RAB27A: variants seen among roughly 807,000 people sequenced by gnomAD.
RAB27A encodes the protein ras-related protein Rab-27A.
A neutral mutation model predicts 20.8 loss-of-function variants in RAB27A; 17 were observed. The ratio of observed to expected loss-of-function variants is 0.82; its 90% CI spans 0.56 to 1.23. The LOEUF is 1.23. Ranked by LOEUF, RAB27A falls within the 50% of genes most tolerant of loss-of-function variation. The probability of loss-of-function intolerance (pLI) is 0.00; values close to 1 mark genes in which losing one functional copy is unlikely to be tolerated. For missense variants in RAB27A, 277 were observed against 266.7 expected, an observed-to-expected ratio of 1.04 and a Z score of -0.27; for synonymous variants, 85 against 92.8, an observed-to-expected ratio of 0.92 and a Z score of 0.48.
intron 2 of RAB27A, among the ~76,000 whole-genome samples, chr15:55,254,968 G>A (rs1897027139): frequency 6.6e-6 from 1 of 152,170 alleles, no homozygotes; most frequent in African/African-American, 2.4e-5. Flanking sequence ...TGAAGAAAAT[G>A]CACAAAAATA....
intron 1 of RAB27A, among the ~76,000 whole-genome samples, chr15:55,281,190 C>T (rs34659706): frequency 0.044 from 6,740 of 152,268 alleles, 239 homozygotes; most frequent in Middle Eastern, 0.061. Context: ...GAAGCATTAA[C>T]ATGGTAATCT....
rs2289059 is a variant in RAB27A, at chr15:55,224,195, A to G, written c.344-183T>C. ...CTGAATAGTTGGGGCAGAAATATAAAACCATTCTTAAGCACATACCCCAGT... is the reference window on the plus strand; with the variant it reads ...CTGAATAGTTGGGGCAGAAATATAAGACCATTCTTAAGCACATACCCCAGT... On this transcript the variant is annotated intron_variant, in intron 5 of 6. Transcript: ENST00000336787. Among the ~76,000 whole-genome samples, 9,660 of 152,284 alleles carry G rather than the reference A, an allele frequency of 0.063. 360 individuals carry two copies. The highest frequency in any genetic ancestry group is 0.14 in the South Asian group (668 of 4,832).
At chr15:55,217,532 G>A (rs1347544450) in intron 6 of RAB27A, among the ~76,000 whole-genome samples, 1 of 151,454 alleles carries the variant, frequency 6.6e-6, no homozygotes, top group Non-Finnish European at 1.5e-5. Context: ...GGGCACAGTG[G>A]TGCACACCTG....
In RAB27A at chr15:55,205,318, C is replaced by G; in HGVS notation, c.*189G>C. 6.0e-6 allele frequency: 4 copies of G among 663,660 alleles called. No homozygotes were observed. Among genetic ancestry groups the G allele is most frequent in the Non-Finnish European group, 1.0e-5 (4 of 383,264 alleles). 41.1% of individuals were successfully genotyped at this position (663,660 alleles called of 1,614,324 possible). On this transcript the variant is annotated 3_prime_UTR_variant, in exon 7 of 7. Coordinates refer to ENST00000336787, the MANE Select transcript of RAB27A (RefSeq NM_183235.3). ...ATTTCTCCTAACTCTCAGGCTGAAT[C>G]TTAAAGAAATATTTACAAAGCTGCA...
intron 2 of RAB27A, among the ~76,000 whole-genome samples, chr15:55,300,975 T>C (rs2054969344): frequency 6.6e-6 from 1 of 152,126 alleles, no homozygotes; most frequent in South Asian, 2.1e-4. Context: ...CCCAAAGCCA[T>C]TAACCAGGCA....
At chr15:55,267,541 A>G (rs1897543293) in intron 2 of RAB27A, among the ~76,000 whole-genome samples, 1 of 152,172 alleles carries the variant, frequency 6.6e-6, no homozygotes, top group South Asian at 2.1e-4. Context: ...GCAAAAGAAA[A>G]TGTGCTGTTG....
intron 1 of RAB27A, among the ~76,000 whole-genome samples, chr15:55,276,951 A>G (rs1231078807): frequency 6.6e-6 from 1 of 152,204 alleles, no homozygotes; most frequent in Non-Finnish European, 1.5e-5. Flanking sequence ...CAAGATGTAT[A>G]CATTAAATAT....
chr15:55,264,188 G>T (rs951960071), intron 2 of RAB27A, among the ~76,000 whole-genome samples: 1 of 152,122 alleles, frequency 6.6e-6, no homozygotes, highest in Non-Finnish European at 1.5e-5. Context: ...GTAGTTGGGA[G>T]TACAGGCATG....
chr15:55,239,200 G>A (rs1201419867), intron 2 of RAB27A, among the ~76,000 whole-genome samples: 1 of 152,096 alleles, frequency 6.6e-6, no homozygotes, highest in South Asian at 2.1e-4. Flanking sequence ...TACCTCTATC[G>A]AACTGCTGGA....
At chr15:55,265,505 CTCACATG>C (rs1182992995) in intron 2 of RAB27A, among the ~76,000 whole-genome samples, 1 of 152,030 alleles carries the variant, frequency 6.6e-6, no homozygotes, top group Non-Finnish European at 1.5e-5. Flanking sequence ...ACGACTTTAC[CTCACATG>C]TCAGCCAAAT....
At chr15:55,319,019 AC>A in exon 1 of RAB27A, 1 of 499,142 alleles carries the variant, frequency 2.0e-6, no homozygotes, top group Non-Finnish European at 3.5e-6. Flanking sequence ...CAGTTTTCGG[AC>A]CCCCGAGCAC....
At chr15:55,227,080 T>C (rs148442320) in intron 5 of RAB27A, among the ~76,000 whole-genome samples, 1,782 of 152,322 alleles carry the variant, frequency 0.012, 13 homozygotes, top group Middle Eastern at 0.037. Flanking sequence ...AAATCTTCAA[T>C]ACGTATAAGT....
chr15:55,215,265 A>G (rs554293674), intron 6 of RAB27A, among the ~76,000 whole-genome samples: 1 of 152,272 alleles, frequency 6.6e-6, no homozygotes, highest in African/African-American at 2.4e-5. Context: ...CTTCACCATC[A>G]TTTTTGAGGA....
At chr15:55,306,618 C>T (rs547664281) in intron 2 of RAB27A, among the ~76,000 whole-genome samples, 9 of 152,288 alleles carry the variant, frequency 5.9e-5, no homozygotes, top group Non-Finnish European at 1.2e-4. Flanking sequence ...ATCATTTTCC[C>T]TGTCCAATAA....
intron 6 of RAB27A, among the ~76,000 whole-genome samples, chr15:55,207,966 A>C (rs901700193): frequency 3.9e-5 from 6 of 152,176 alleles, no homozygotes; most frequent in African/African-American, 1.4e-4. Flanking sequence ...AAAAAACCTG[A>C]ACTTTTAATT....
At chr15:55,209,664 A>C (rs1894823337) in intron 6 of RAB27A, among the ~76,000 whole-genome samples, 1 of 151,028 alleles carries the variant, frequency 6.6e-6, no homozygotes, top group Non-Finnish European at 1.5e-5. Context: ...TTTGGGATAT[A>C]TATATATCTC....
chr15:55,256,354 C>T (rs1001452708), intron 2 of RAB27A, among the ~76,000 whole-genome samples: 12 of 152,122 alleles, frequency 7.9e-5, no homozygotes, highest in African/African-American at 2.9e-4. Context: ...TTCAAGGCTG[C>T]AGTGAGCCAT....
chr15:55,306,144 T>C (rs1183711462), intron 2 of RAB27A, among the ~76,000 whole-genome samples: 1 of 151,770 alleles, frequency 6.6e-6, no homozygotes, highest in African/African-American at 2.4e-5. Flanking sequence ...GCATTGGGAG[T>C]TGGTTGTGTC....
At chr15:55,315,970 A>G (rs193150043) in intron 1 of RAB27A, among the ~76,000 whole-genome samples, 1 of 152,334 alleles carries the variant, frequency 6.6e-6, no homozygotes, top group African/African-American at 2.4e-5. Context: ...GCGGTGGCTC[A>G]TGCCTATAAT....
Sources: allele counts gnomAD v4.1 joint callset (sites outside exome capture counted in the v4.1 genomes callset), GRCh38; gene constraint gnomAD v4.1.1; transcripts MANE v1.5; gene names NCBI Gene and HGNC (gene_info 2026-07-23, HGNC 2026-07-21).